ASXL3: variants seen among roughly 807,000 people sequenced by gnomAD.
ASXL3 encodes the protein ASXL transcriptional regulator 3, also known as putative Polycomb group protein ASXL3.
Under a neutral mutation model 170.6 loss-of-function variants are expected in ASXL3, and 34 were observed. The ratio of observed to expected loss-of-function variants is 0.20; its 90% CI spans 0.15 to 0.27. ASXL3 has a LOEUF of 0.27. Ranked by LOEUF, ASXL3 falls within the 10% of genes least tolerant of loss-of-function variation. The pLI is 1.00. For synonymous variants in ASXL3, 1,002 were observed against 989.1 expected, an observed-to-expected ratio of 1.01 and a Z score of -0.24; for missense variants, 2,592 against 2,695.3, an observed-to-expected ratio of 0.96 and a Z score of 0.85.
At position 33,743,925 on chromosome 18, in the gene ASXL3, G is replaced by C. The variant is rs1162815494; in HGVS notation, c.4077G>C (p.Leu1359Phe). 5.0e-6 allele frequency: 8 copies of C among 1,613,842 alleles called. No homozygotes were observed. Among genetic ancestry groups the C allele is most frequent in the East Asian group, 2.2e-5 (1 of 44,882 alleles). The change falls in exon 12 of 12, where the codon TTG (leucine) becomes TTC (phenylalanine). Residue 1359 changes from leucine to phenylalanine, a missense_variant. Coordinates refer to ENST00000269197, the MANE Select transcript of ASXL3 (RefSeq NM_030632.3). ...NLPNLSTSSV[L>F]IPPMGINNRF... ...CAAACCTCTCCACTAGCTCTGTCTTGATTCCCCCAATGGGAATTAACAACA... is the reference window on the plus strand; with the variant it reads ...CAAACCTCTCCACTAGCTCTGTCTTCATTCCCCCAATGGGAATTAACAACA...
intron 8 of ASXL3, among the ~76,000 whole-genome samples, chr18:33,697,026 C>T (rs976739335): frequency 3.3e-5 from 5 of 152,010 alleles, no homozygotes; most frequent in Admixed American, 2.0e-4. Context: ...TGATGGAAAC[C>T]ATCTCAATAT....
chr18:33,744,053 C>T lies in ASXL3; in HGVS notation c.4205C>T (p.Ala1402Val), dbSNP rs763759484. 2.2e-5 allele frequency: 35 copies of T among 1,614,032 alleles called. No homozygotes were observed. Among genetic ancestry groups the T allele is most frequent in the Middle Eastern group, 1.6e-4 (1 of 6,062 alleles). Residue 1402 changes from alanine (A) to valine (V), a missense_variant, in exon 12 of 12, where the codon GCG (alanine) becomes GTG (valine). This residue lies in a region of ASXL3 where 2,246 missense variants were observed against 2,219.6 expected (regional missense o/e 1.01). Coordinates refer to ENST00000269197, the MANE Select transcript of ASXL3 (RefSeq NM_030632.3). ...GCCCTCAGCTGCAGTGATTCTGTAG[C>T]GGTCACAGACTCTCTGGTTGCACAC... ...RAALSCSDSVAVTDSLVAHPT... is the reference protein window; with the variant it reads ...RAALSCSDSVVVTDSLVAHPT...
chr18:33,622,449 A>G (rs2065529813), intron 2 of ASXL3, among the ~76,000 whole-genome samples: 1 of 152,194 alleles, frequency 6.6e-6, no homozygotes, highest in Non-Finnish European at 1.5e-5. Flanking sequence ...ATCAAGATCC[A>G]AGAAATTAGC....
At chr18:33,660,628 C>T (rs1414717074) in intron 4 of ASXL3, among the ~76,000 whole-genome samples, 2 of 152,180 alleles carry the variant, frequency 1.3e-5, no homozygotes, top group Non-Finnish European at 2.9e-5. Context: ...TTTCTTCTGA[C>T]TTCCTCTTGC....
At chr18:33,708,930 TAC>T (rs1457277308) in intron 8 of ASXL3, among the ~76,000 whole-genome samples, 5 of 152,214 alleles carry the variant, frequency 3.3e-5, no homozygotes, top group African/African-American at 1.2e-4. Flanking sequence ...ACAATTTTGC[TAC>T]AGTCACTCAT....
chr18:33,588,683 C>T (rs2065053659), intron 1 of ASXL3, among the ~76,000 whole-genome samples: 2 of 152,098 alleles, frequency 1.3e-5, no homozygotes, highest in African/African-American at 4.8e-5. Context: ...CTCTAGGTCC[C>T]ATGTCTGTAC....
chr18:33,642,678 C>G (rs1287391422), intron 2 of ASXL3, among the ~76,000 whole-genome samples: 1 of 151,890 alleles, frequency 6.6e-6, no homozygotes, highest in East Asian at 1.9e-4. Flanking sequence ...AGTTACTAAA[C>G]AGTATAATTT....
chr18:33,702,462 C>T (rs2066888974), intron 8 of ASXL3, among the ~76,000 whole-genome samples: 1 of 152,252 alleles, frequency 6.6e-6, no homozygotes, highest in East Asian at 1.9e-4. Context: ...CATGAAGGGG[C>T]ACAGCCTTGG....
At position 33,713,231 on chromosome 18, in the gene ASXL3, TTTTTTTGTTTTGTTTTG is replaced by T. The variant is rs1450828721; in HGVS notation, c.880-18730_880-18714del. Among the ~76,000 whole-genome samples, 292 of 72,848 alleles carry T rather than the reference TTTTTTTGTTTTGTTTTG, an allele frequency of 4.0e-3. 52 individuals carry two copies. The highest frequency in any genetic ancestry group is 6.2e-3 in the East Asian group (5 of 812). 47.8% of individuals were successfully genotyped at this position (72,848 alleles called of 152,430 possible). ...AGTTAGCAATCTACCACAAGAAGGTTTTTTTTGTTTTGTTTTGTTTTTTTTTTTTTTTTTTTTTTTTT... is the reference window on the plus strand; with the variant it reads ...AGTTAGCAATCTACCACAAGAAGGTTTTTTTTTTTTTTTTTTTTTTTTTTT... On this transcript the variant is annotated intron_variant, in intron 8 of 11. Coordinates refer to ENST00000269197, the MANE Select transcript of ASXL3 (RefSeq NM_030632.3).
intron 8 of ASXL3, among the ~76,000 whole-genome samples, chr18:33,687,102 A>G (rs1042120052): frequency 2.0e-5 from 3 of 152,224 alleles, no homozygotes; most frequent in Non-Finnish European, 4.4e-5. Flanking sequence ...TTAAAGGTCT[A>G]GAAGGCAACT....
chr18:33,632,031 T>G (rs1291276177), intron 2 of ASXL3, among the ~76,000 whole-genome samples: 1 of 152,130 alleles, frequency 6.6e-6, no homozygotes, highest in East Asian at 1.9e-4. Flanking sequence ...TTGAGTGATT[T>G]TTCTCATCTT....
chr18:33,651,092 T>C (rs999575988), intron 4 of ASXL3, among the ~76,000 whole-genome samples: 2 of 152,150 alleles, frequency 1.3e-5, no homozygotes, highest in African/African-American at 4.8e-5. Flanking sequence ...CAGGGAACAC[T>C]TAGTAGCCAG....
intron 1 of ASXL3, among the ~76,000 whole-genome samples, chr18:33,592,407 G>A (rs1482200264): frequency 1.3e-5 from 2 of 152,156 alleles, no homozygotes; most frequent in African/African-American, 2.4e-5. Flanking sequence ...TTAGGGACAT[G>A]TGGTGGCATC....
At chr18:33,677,883 C>T (rs749651189) in intron 7 of ASXL3, among the ~76,000 whole-genome samples, 11 of 151,862 alleles carry the variant, frequency 7.2e-5, no homozygotes, top group Admixed American at 2.0e-4. Flanking sequence ...CTTCTCTGAG[C>T]GCCATTTAAT....
intron 5 of ASXL3, among the ~76,000 whole-genome samples, chr18:33,662,512 A>G (rs2066190003): frequency 6.6e-6 from 1 of 152,212 alleles, no homozygotes; most frequent in Admixed American, 6.5e-5. Flanking sequence ...CATAGAAATA[A>G]TAGTGACTTC....
At chr18:33,678,077 A>ATTATTTATTTATTTAT (rs140094203) in intron 7 of ASXL3, among the ~76,000 whole-genome samples, 7 of 149,196 alleles carry the variant, frequency 4.7e-5, no homozygotes, top group African/African-American at 1.7e-4. Flanking sequence ...TTATGTATTT[A>ATTATTTATTTATTTAT]TTATTTATTT....
intron 2 of ASXL3, among the ~76,000 whole-genome samples, chr18:33,634,166 C>T (rs112522948): frequency 3.4e-4 from 52 of 152,038 alleles, no homozygotes; most frequent in African/African-American, 9.4e-4. Flanking sequence ...TGCATGAAAA[C>T]ATTAATTGAA....
intron 4 of ASXL3, among the ~76,000 whole-genome samples, chr18:33,648,986 G>A (rs1052904613): frequency 3.9e-5 from 6 of 151,990 alleles, no homozygotes; most frequent in African/African-American, 9.7e-5. Context: ...GCTTGAATAA[G>A]GTGGGTTCAA....
At chr18:33,644,483 T>G (rs955135822) in intron 2 of ASXL3, among the ~76,000 whole-genome samples, 2 of 151,540 alleles carry the variant, frequency 1.3e-5, no homozygotes, top group Non-Finnish European at 2.9e-5. Flanking sequence ...TTTTTGTTTT[T>G]TTTTTTTTGA....
Sources: allele counts gnomAD v4.1 joint callset (sites outside exome capture counted in the v4.1 genomes callset), GRCh38; gene constraint gnomAD v4.1.1; regional missense constraint gnomAD v4.1.1; transcripts MANE v1.5; gene names NCBI Gene and HGNC (gene_info 2026-07-23, HGNC 2026-07-21).